LRRC63: variants seen among roughly 807,000 people sequenced by gnomAD.
The protein encoded by LRRC63 is leucine rich repeat containing 63.
LRRC63 carries 40 observed loss-of-function variants against 49.5 expected under a neutral mutation model. The ratio of observed to expected loss-of-function variants is 0.81; its 90% confidence interval spans 0.63 to 1.05. The LOEUF (loss-of-function observed/expected upper bound fraction) is 1.05, where lower values mean the gene tolerates loss of function less well. Ranked by LOEUF, LRRC63 falls within the 50% of genes least tolerant of loss-of-function variation. The pLI, the probability that LRRC63 is intolerant of heterozygous loss-of-function variation, is 0.00. For missense variants in LRRC63, 636 were observed against 663.1 expected, an observed-to-expected ratio of 0.96 and a Z score of 0.45; for synonymous variants, 191 against 221.1, an observed-to-expected ratio of 0.86 and a Z score of 1.21.
rs531633877 is a variant in LRRC63, at chr13:46,228,314, A to G, written c.763+125A>G. 894 of 719,976 alleles carry G rather than the reference A, an allele frequency of 1.2e-3. 4 individuals are homozygous for G. The highest frequency in any genetic ancestry group is 1.9e-3 in the Middle Eastern group (8 of 4,106). 44.6% of individuals were successfully genotyped at this position (719,976 alleles called of 1,614,324 possible). A position where few individuals can be genotyped will look rare whatever the true frequency, so the allele number is the denominator to read the frequency against. ...GAATGGGAGGATGGAATCACCTTTT[A>G]TATATACATGTAATACTTGAGCCAT... On this transcript the variant is annotated intron_variant, in intron 3 of 9. Coordinates refer to ENST00000595396, the Ensembl canonical transcript of LRRC63.
At chr13:46,266,704 T>C (rs2138583487) in intron 8 of LRRC63, 29 bp from the exon 9 acceptor site, 2 of 1,503,394 alleles carry the variant, frequency 1.3e-6, no homozygotes, top group East Asian at 4.9e-5. Flanking sequence ...GTATAATACC[T>C]TTTAAAGTGT....
chr13:46,223,770 C>T lies in LRRC63; in HGVS notation c.86-3742C>T, dbSNP rs904289496. ...ACTTGGGAGGCTGAGGCAGGAGAAT[C>T]GCTTGAACATGGGAGGTGGAGGTTG... is the stretch of plus-strand genomic sequence containing the variant. On this transcript the variant is annotated intron_variant, in intron 2 of 9. Transcript: ENST00000595396. 6.6e-5 allele frequency among the ~76,000 whole-genome samples: 10 copies of T among 151,992 alleles called. No individual in the cohort carries two copies. The East Asian group carries it at 9.6e-4, about 15-fold the overall frequency.
intron 9 of LRRC63, chr13:46,269,984 G>A: frequency 3.1e-6 from 1 of 318,780 alleles, no homozygotes; most frequent in African/African-American, 2.1e-5. Context: ...CGAAACCATG[G>A]GTAGCACTGA....
At chr13:46,243,535 A>G (rs1334018151) in intron 5 of LRRC63, among the ~76,000 whole-genome samples, 1 of 152,234 alleles carries the variant, frequency 6.6e-6, no homozygotes, top group Non-Finnish European at 1.5e-5. Context: ...CTCTATAAAG[A>G]CACAGGCTGA....
At chr13:46,239,605 TGAG>T (rs960119470) in intron 5 of LRRC63, among the ~76,000 whole-genome samples, 23 of 152,226 alleles carry the variant, frequency 1.5e-4, no homozygotes, top group Admixed American at 5.2e-4. Flanking sequence ...CCAAAAAAAT[TGAG>T]GAGGAGGGGC....
chr13:46,244,169 G>T (rs1051744845), intron 5 of LRRC63, among the ~76,000 whole-genome samples: 14 of 152,104 alleles, frequency 9.2e-5, no homozygotes, highest in Non-Finnish European at 1.8e-4. Context: ...TATATTGTGG[G>T]TGTTATAGCT....
At chr13:46,270,354 C>T (rs2047739623) in intron 9 of LRRC63, 1 of 867,880 alleles carries the variant, frequency 1.2e-6, no homozygotes, top group Non-Finnish European at 2.0e-6. Context: ...CAGTTTCTAA[C>T]AGAACTTGCA....
chr13:46,250,610 T>A, intron 7 of LRRC63, 119 bp downstream of exon 7: 2 of 805,806 alleles, frequency 2.5e-6, no homozygotes, highest in Non-Finnish European at 3.8e-6. Flanking sequence ...TGTATTCTAT[T>A]CTAATTAGCT....
In LRRC63 at chr13:46,238,470, T is replaced by G. The variant is rs1230461; in HGVS notation, c.990+4121T>G. On this transcript the variant is annotated intron_variant, in intron 5 of 9. Transcript: ENST00000595396. Reference sequence around the variant, plus strand: ...AAATACCTGAGACTGGGTAATTTATTAAAAAAAAAGAGGTTTAATGGACTG... The same window carrying G: ...AAATACCTGAGACTGGGTAATTTATGAAAAAAAAAGAGGTTTAATGGACTG... Among the ~76,000 whole-genome samples, 668 of 151,292 alleles carry G rather than the reference T, an allele frequency of 4.4e-3. 6 individuals are homozygous for G. The highest frequency in any genetic ancestry group is 0.015 in the African/African-American group (638 of 41,220).
chr13:46,259,701 A>T (rs1594090974), intron 7 of LRRC63, among the ~76,000 whole-genome samples: 1 of 152,220 alleles, frequency 6.6e-6, no homozygotes, highest in African/African-American at 2.4e-5. Flanking sequence ...GCTACATTTT[A>T]TTTCATACCA....
chr13:46,264,440 AGTTAGTTAGT>A (rs2047655467), intron 8 of LRRC63, among the ~76,000 whole-genome samples: 1 of 141,076 alleles, frequency 7.1e-6, no homozygotes, highest in Non-Finnish European at 1.5e-5. Context: ...TTATTTATTT[AGTTAGTTAGT>A]TAGTTTTGAA....
chr13:46,269,527 AT>A (rs1275291890), intron 9 of LRRC63, among the ~76,000 whole-genome samples: 2 of 152,152 alleles, frequency 1.3e-5, no homozygotes, highest in East Asian at 1.9e-4. Context: ...ACACAAAAAA[AT>A]CATTTCCATT....
chr13:46,234,464 A>G (rs1444039059), intron 5 of LRRC63, 115 bp downstream of exon 5: 1 of 996,224 alleles, frequency 1.0e-6, no homozygotes, highest in Non-Finnish European at 1.4e-6. Context: ...CTATTACAAT[A>G]GAGATTTCTT....
chr13:46,258,656 A>C (rs2047563406), intron 7 of LRRC63, among the ~76,000 whole-genome samples: 2 of 150,892 alleles, frequency 1.3e-5, no homozygotes. Flanking sequence ...AAAAATACAA[A>C]AATTAGCTGG....
intron 7 of LRRC63, among the ~76,000 whole-genome samples, chr13:46,258,077 G>A (rs534913075): frequency 6.7e-6 from 1 of 148,416 alleles, no homozygotes; most frequent in South Asian, 2.1e-4. Context: ...TCAGAGGCAA[G>A]TTCTGTCCCA....
chr13:46,271,733 A>AC (rs1594102271), intron 9 of LRRC63, among the ~76,000 whole-genome samples: 1 of 151,540 alleles, frequency 6.6e-6, no homozygotes, highest in Non-Finnish European at 1.5e-5. Flanking sequence ...AAAAAAAAAA[A>AC]AAAACTCCAA....
intron 5 of LRRC63, 89 bp from the exon 6 acceptor site, chr13:46,246,438 A>G (rs2047214874): frequency 1.8e-6 from 1 of 547,194 alleles, no homozygotes. Flanking sequence ...TTCTCATTCA[A>G]ATTATGTGCT....
chr13:46,243,536 C>T (rs1427955167), intron 5 of LRRC63, among the ~76,000 whole-genome samples: 4 of 152,148 alleles, frequency 2.6e-5, no homozygotes, highest in Admixed American at 2.6e-4. Context: ...TCTATAAAGA[C>T]ACAGGCTGAA....
At chr13:46,274,419 C>T (rs73470028) in intron 9 of LRRC63, among the ~76,000 whole-genome samples, 6,153 of 152,246 alleles carry the variant, frequency 0.04, 416 homozygotes, top group African/African-American at 0.14. Context: ...GTCCTACTTT[C>T]GCTGAGTTCT....
Sources: allele counts gnomAD v4.1 joint callset (sites outside exome capture counted in the v4.1 genomes callset), GRCh38; gene constraint gnomAD v4.1.1; transcripts MANE v1.5; gene names NCBI Gene and HGNC (gene_info 2026-07-23, HGNC 2026-07-21).